Variants in CLSTN1 observed in about 807,000 individuals in gnomAD.
CLSTN1 encodes the protein calsyntenin-1.
Under a neutral mutation model 108.3 loss-of-function variants are expected in CLSTN1, and 28 were observed. The observed-to-expected ratio is 0.26, with a 90% CI of 0.19 to 0.35. The LOEUF (loss-of-function observed/expected upper bound fraction) is 0.35. Among genes scored for constraint, CLSTN1 ranks in the 10% least tolerant of loss-of-function variants. CLSTN1 has a pLI of 1.00. For synonymous variants in CLSTN1, 524 were observed against 534.9 expected, an observed-to-expected ratio of 0.98 and a Z score of 0.28; for missense variants, 1,157 against 1,302.6, an observed-to-expected ratio of 0.89 and a Z score of 1.72.
intron 1 of CLSTN1, among the ~76,000 whole-genome samples, chr1:9,815,372 T>C (rs1654929061): frequency 6.6e-6 from 1 of 152,170 alleles, no homozygotes; most frequent in Non-Finnish European, 1.5e-5. Context: ...ATTTAAAGTA[T>C]AGAGGAAAGA....
chr1:9,735,757 T>A (rs1299269094), intron 12 of CLSTN1, 128 bp downstream of exon 12: 25 of 1,494,838 alleles, frequency 1.7e-5, no homozygotes, highest in Non-Finnish European at 2.1e-5. Flanking sequence ...TTAAGTCCAG[T>A]GAACACAACT....
intron 1 of CLSTN1, among the ~76,000 whole-genome samples, chr1:9,778,817 C>G (rs1340580370): frequency 6.6e-6 from 1 of 151,684 alleles, no homozygotes; most frequent in Non-Finnish European, 1.5e-5. Flanking sequence ...GAGTTCGAGA[C>G]CAGCCTGGCC....
intron 1 of CLSTN1, among the ~76,000 whole-genome samples, chr1:9,777,474 G>C (rs1167802643): frequency 6.6e-6 from 1 of 152,000 alleles, no homozygotes; most frequent in Non-Finnish European, 1.5e-5. Context: ...AGTGAGCCAA[G>C]ATCTCGCCAC....
chr1:9,730,264 G>A lies in CLSTN1; in HGVS notation c.*244C>T. ...GGGCCTGAGGCGCTGGGAGGCCCCT[G>A]TGCGAGCCGGATGGCGGCCAGAGAG... On this transcript the variant is annotated 3_prime_UTR_variant, in exon 19 of 19. Coordinates refer to ENST00000377298, the MANE Select transcript of CLSTN1 (RefSeq NM_001009566.3). The surrounding 1 kb of genome is among the most constrained non-coding windows in gnomAD (Gnocchi z 5.6). 2 of 573,844 alleles carry A rather than the reference G, an allele frequency of 3.5e-6. No individual in the cohort carries two copies. The highest frequency in any genetic ancestry group is 2.0e-5 in the South Asian group (1 of 49,452). The allele number at this position is 573,844 out of a possible 1,614,324, so 35.5% of individuals were successfully genotyped here.
rs78578392 is a variant in CLSTN1, at chr1:9,820,917, T to C, written c.91+2726A>G. ...TTTCAAATAGGATGGTGAGGGGAGG[T>C]CTCACTAAGCCTATGTGCAAATGGA... On this transcript the variant is annotated intron_variant, in intron 1 of 18. Transcript: ENST00000377298. 8.5e-3 allele frequency among the ~76,000 whole-genome samples: 1,285 copies of C among 152,026 alleles called. 19 individuals carry two copies. Among genetic ancestry groups the C allele is most frequent in the East Asian group, 0.044 (226 of 5,178 alleles).
intron 10 of CLSTN1, among the ~76,000 whole-genome samples, chr1:9,740,246 G>C (rs964146258): frequency 6.6e-6 from 1 of 152,044 alleles, no homozygotes; most frequent in Non-Finnish European, 1.5e-5. Flanking sequence ...ATTTAGTAGA[G>C]ATGGGGTTTC....
intron 9 of CLSTN1, among the ~76,000 whole-genome samples, chr1:9,743,083 C>T (rs1307532113): frequency 6.6e-6 from 1 of 152,050 alleles, no homozygotes; most frequent in Admixed American, 6.5e-5. Context: ...AGCTTTTGTC[C>T]ACTAACTCCA....
intron 18 of CLSTN1, 70 bp downstream of exon 18, chr1:9,731,135 GC>G (rs1453651587): frequency 1.3e-6 from 2 of 1,571,154 alleles, no homozygotes; most frequent in African/African-American, 2.7e-5. Context: ...AAGGAGCCGC[GC>G]CGTACCGGCT....
At chr1:9,772,140 CTTTTTTT>C (rs57522417) in intron 2 of CLSTN1, among the ~76,000 whole-genome samples, 83 of 30,932 alleles carry the variant, frequency 2.7e-3, no homozygotes, top group Non-Finnish European at 3.6e-3. Context: ...CCACACCCGG[CTTTTTTT>C]TTTTTTTTTT....
At chr1:9,738,103 G>A (rs1650788219) in intron 10 of CLSTN1, among the ~76,000 whole-genome samples, 1 of 152,140 alleles carries the variant, frequency 6.6e-6, no homozygotes, top group Admixed American at 6.5e-5. Flanking sequence ...TTAACCTTTG[G>A]GCGACAGAGG....
At chr1:9,824,172 G>T (rs1189223371), upstream of CLSTN1, 3 of 147,878 alleles carry the variant, frequency 2.0e-5, no homozygotes, top group Non-Finnish European at 3.0e-5. The surrounding 1 kb of genome is among the most constrained non-coding windows in gnomAD (Gnocchi z 5.0). Flanking sequence ...CGTCGGCCCC[G>T]CCTGGAGCGC....
chr1:9,776,592 C>T (rs1360746996), intron 1 of CLSTN1, among the ~76,000 whole-genome samples: 2 of 152,088 alleles, frequency 1.3e-5, no homozygotes, highest in African/African-American at 4.8e-5. Context: ...TGAAAGGTCA[C>T]AAAAGCCAAG....
intron 1 of CLSTN1, among the ~76,000 whole-genome samples, chr1:9,805,781 C>T (rs544549995): frequency 1.3e-5 from 2 of 149,922 alleles, no homozygotes; most frequent in Admixed American, 1.3e-4. Context: ...GCAGGAGAAT[C>T]GCTTGAACCC....
chr1:9,823,105 G>C lies in CLSTN1; in HGVS notation c.91+538C>G, dbSNP rs1005293383. 4.6e-5 allele frequency among the ~76,000 whole-genome samples: 7 copies of C among 152,222 alleles called. No homozygotes were observed. Among genetic ancestry groups the C allele is most frequent in the Admixed American group, 1.3e-4 (2 of 15,278 alleles). ...GCGAAGTCGTGGTGTCCGCGGTGCAGCAACACAGAATCGGGATCTTGGAAA... is the reference window on the plus strand; with the variant it reads ...GCGAAGTCGTGGTGTCCGCGGTGCACCAACACAGAATCGGGATCTTGGAAA... On this transcript the variant is annotated intron_variant, in intron 1 of 18. Transcript: ENST00000377298. This position sits in a 1 kb window ranked among gnomAD's most constrained non-coding sequence, Gnocchi z 6.3.
intron 4 of CLSTN1, among the ~76,000 whole-genome samples, chr1:9,752,893 C>T (rs543008911): frequency 3.3e-5 from 5 of 151,720 alleles, no homozygotes; most frequent in Non-Finnish European, 5.9e-5. Flanking sequence ...ATAAATAAAA[C>T]AAAAGAAAAA....
intron 3 of CLSTN1, 33 bp downstream of exon 3, chr1:9,756,448 T>C: frequency 6.3e-7 from 1 of 1,592,544 alleles, no homozygotes; most frequent in Non-Finnish European, 8.6e-7. Context: ...TGGGTTAATA[T>C]TCATAAGAGG....
At chr1:9,804,288 G>A (rs1382483656) in intron 1 of CLSTN1, among the ~76,000 whole-genome samples, 6 of 150,358 alleles carry the variant, frequency 4.0e-5, no homozygotes, top group African/African-American at 1.5e-4. Context: ...GCATGAACCC[G>A]GGAGGCAGAA....
At chr1:9,797,998 G>A (rs966677829) in intron 1 of CLSTN1, among the ~76,000 whole-genome samples, 7 of 151,770 alleles carry the variant, frequency 4.6e-5, no homozygotes, top group Non-Finnish European at 1.0e-4. Context: ...GGAGGCTGAG[G>A]CAGGAGAATT....
Position 9,821,706 on chromosome 1 carries a change from A to T in CLSTN1, c.91+1937T>A, listed in dbSNP as rs1261436019. Among the ~76,000 whole-genome samples, 6 of 152,308 alleles carry T rather than the reference A, an allele frequency of 3.9e-5. No individual in the cohort carries two copies. The East Asian group carries it at 1.2e-3, about 29-fold the overall frequency. On this transcript the variant is annotated intron_variant, in intron 1 of 18. Transcript: ENST00000377298. ...TCCAAACTGTAAATTTACATATGAAATTCACTTGTAATATTTCAAAATGAA... is the reference window on the plus strand; with the variant it reads ...TCCAAACTGTAAATTTACATATGAATTTCACTTGTAATATTTCAAAATGAA...
Sources: allele counts gnomAD v4.1 joint callset (sites outside exome capture counted in the v4.1 genomes callset), GRCh38; gene constraint gnomAD v4.1.1; non-coding constraint Gnocchi (gnomAD v3.1); transcripts MANE v1.5; gene names NCBI Gene and HGNC (gene_info 2026-07-23, HGNC 2026-07-21).